Variants in PCDHGA7 observed in about 807,000 individuals in gnomAD.
PCDHGA7 encodes the protein protocadherin gamma-A7.
PCDHGA7 carries 44 observed loss-of-function variants against 58.3 expected under a neutral mutation model. The ratio of observed to expected loss-of-function variants is 0.75; its 90% CI spans 0.59 to 0.97. PCDHGA7 has a LOEUF of 0.97. Among genes scored for constraint, PCDHGA7 ranks in the 50% least tolerant of loss-of-function variants. The pLI is 0.00. For synonymous variants in PCDHGA7, 516 were observed against 504.2 expected, an observed-to-expected ratio of 1.02 and a Z score of -0.31; for missense variants, 1,266 against 1,188.7, an observed-to-expected ratio of 1.06 and a Z score of -0.96.
rs949391796 is a variant in PCDHGA7 at position 141,493,050 on chromosome 5, A to G, written c.2425-1757A>G. 6.6e-6 allele frequency among the ~76,000 whole-genome samples: 1 copy of G among 152,262 alleles called. No homozygotes were observed. The highest frequency in any genetic ancestry group is 2.4e-5 in the African/African-American group (1 of 41,464). On this transcript the variant is annotated intron_variant, in intron 1 of 3. Coordinates refer to ENST00000518325, the MANE Select transcript of PCDHGA7 (RefSeq NM_018920.4). The surrounding 1 kb of genome is among the most constrained non-coding windows in gnomAD (Gnocchi z 4.3). Reference sequence around the variant, plus strand: ...CCCTTATGTGTGAGGAAACTACAATAGTAAAAAACACAAGTTTCTCCAACT... The same window carrying G: ...CCCTTATGTGTGAGGAAACTACAATGGTAAAAAACACAAGTTTCTCCAACT...
At chr5:141,399,621 C>G (rs757586675) in intron 1 of PCDHGA7, 1 of 1,613,948 alleles carries the variant, frequency 6.2e-7, no homozygotes. Context: ...TGGCACTGGC[C>G]TCTTACGTGT....
intron 1 of PCDHGA7, among the ~76,000 whole-genome samples, chr5:141,462,903 T>A (rs1455334521): frequency 6.6e-6 from 1 of 152,208 alleles, no homozygotes; most frequent in Non-Finnish European, 1.5e-5. Context: ...GGAAGGCTAT[T>A]ATGTTTTTTG....
chr5:141,454,564 G>A (rs896426143), intron 1 of PCDHGA7, among the ~76,000 whole-genome samples: 1 of 151,874 alleles, frequency 6.6e-6, no homozygotes, highest in Non-Finnish European at 1.5e-5. Context: ...GTGCCACCAC[G>A]CCCGGCTAAT....
In PCDHGA7 at chr5:141,489,098, T is replaced by C; in HGVS notation, c.2425-5709T>C. 1 of 293,346 alleles carries C rather than the reference T, an allele frequency of 3.4e-6. No homozygotes were observed. The highest frequency in any genetic ancestry group is 5.5e-5 in the South Asian group (1 of 18,124). The allele number at this position is 293,346 out of a possible 1,614,324, so 18.2% of individuals were successfully genotyped here. A position where few individuals can be genotyped will look rare whatever the true frequency, so the allele number is the denominator to read the frequency against. ...CCCCCGCCACTCGGTGACTAAGAAC[T>C]GCTGCAAGCAGGCAAACCTCCGAGC... On this transcript the variant is annotated intron_variant, in intron 1 of 3. Transcript: ENST00000518325. The surrounding 1 kb of genome is among the most constrained non-coding windows in gnomAD (Gnocchi z 4.5).
intron 1 of PCDHGA7, among the ~76,000 whole-genome samples, chr5:141,447,135 G>GT (rs905717632): frequency 9.9e-5 from 15 of 151,698 alleles, no homozygotes; most frequent in African/African-American, 3.4e-4. Flanking sequence ...TTGTTTGTTT[G>GT]TTTTTTGTTT....
chr5:141,447,854 G>A (rs1480134238), intron 1 of PCDHGA7, among the ~76,000 whole-genome samples: 1 of 152,200 alleles, frequency 6.6e-6, no homozygotes, highest in Non-Finnish European at 1.5e-5. Flanking sequence ...GGGAGGCCGA[G>A]GTGGGTGAAT....
At chr5:141,393,525 A>G in intron 1 of PCDHGA7, 1 of 1,613,922 alleles carries the variant, frequency 6.2e-7, no homozygotes, top group Non-Finnish European at 8.5e-7. Context: ...TACAAATGAC[A>G]ATGCCCCGGT....
chr5:141,464,824 G>A (rs1329087889), intron 1 of PCDHGA7, among the ~76,000 whole-genome samples: 2 of 151,816 alleles, frequency 1.3e-5, no homozygotes, highest in African/African-American at 2.4e-5. Context: ...CTGTAGCCTC[G>A]CACTCCTGGG....
chr5:141,480,955 G>A (rs2154578440), intron 1 of PCDHGA7, among the ~76,000 whole-genome samples: 1 of 152,304 alleles, frequency 6.6e-6, no homozygotes, highest in South Asian at 2.1e-4. Context: ...TGAGGCGGAA[G>A]CATCAGTGAG....
Position 141,432,248 on chromosome 5 carries a change from C to T in PCDHGA7, c.2424+46925C>T. Reference sequence around the variant, plus strand: ...TTATTCCCTGGCTGAGAACACCATCCAAGGGGCAAGCCTATCGTCCTACGT... The same window carrying T: ...TTATTCCCTGGCTGAGAACACCATCTAAGGGGCAAGCCTATCGTCCTACGT... On this transcript the variant is annotated intron_variant, in intron 1 of 3. Transcript: ENST00000518325. This position sits in a 1 kb window ranked among gnomAD's most constrained non-coding sequence, Gnocchi z 6.0. 1.2e-6 allele frequency: 2 copies of T among 1,614,244 alleles called. No individual in the cohort carries two copies. Among genetic ancestry groups the T allele is most frequent in the South Asian group, 1.1e-5 (1 of 91,090 alleles).
intron 1 of PCDHGA7, chr5:141,393,237 AT>A: frequency 1.2e-6 from 2 of 1,613,802 alleles, no homozygotes; most frequent in South Asian, 1.1e-5. Flanking sequence ...AGAAGTAAAA[AT>A]TAACGAAATC....
At chr5:141,502,274 A>G (rs573517581) in intron 2 of PCDHGA7, among the ~76,000 whole-genome samples, 18 of 152,128 alleles carry the variant, frequency 1.2e-4, no homozygotes, top group African/African-American at 4.1e-4. Context: ...ATCAAGGAGC[A>G]TAGATTGCAT....
At position 141,485,314 on chromosome 5, in the gene PCDHGA7, T is replaced by A. The variant is rs1292296791; in HGVS notation, c.2425-9493T>A. The A allele has an allele frequency of 1.2e-6, 2 of 1,614,150 alleles. No homozygotes were observed. The highest frequency in any genetic ancestry group is 1.7e-6 in the Non-Finnish European group (2 of 1,180,032). ...CACAGGAAGGGACTTTTGTAGGGAA[T>A]GTCGCTCAAGATTTCCTGCTGGATA... On this transcript the variant is annotated intron_variant, in intron 1 of 3. Coordinates refer to ENST00000518325, the MANE Select transcript of PCDHGA7 (RefSeq NM_018920.4). This position sits in a 1 kb window ranked among gnomAD's most constrained non-coding sequence, Gnocchi z 5.7.
rs2099745664 is a variant in PCDHGA7 at position 141,493,015 on chromosome 5, T to A, written c.2425-1792T>A. Among the ~76,000 whole-genome samples, 1 of 152,238 alleles carries A rather than the reference T, an allele frequency of 6.6e-6. No homozygotes were observed. The highest frequency in any genetic ancestry group is 1.5e-5 in the Non-Finnish European group (1 of 68,040). ...ATGGAAAGCTATAGGCTCTGCCAGA[T>A]GCCAGGGTGCCCTTATGTGTGAGGA... On this transcript the variant is annotated intron_variant, in intron 1 of 3. Transcript: ENST00000518325. The surrounding 1 kb of genome is among the most constrained non-coding windows in gnomAD (Gnocchi z 4.3).
chr5:141,465,125 G>A (rs1003967387), intron 1 of PCDHGA7, among the ~76,000 whole-genome samples: 1 of 151,194 alleles, frequency 6.6e-6, no homozygotes, highest in Non-Finnish European at 1.5e-5. Context: ...GCCTAAATTT[G>A]TAAAAAGTTT....
At chr5:141,404,806 G>T (rs774487660) in intron 1 of PCDHGA7, 2 of 1,613,992 alleles carry the variant, frequency 1.2e-6, no homozygotes, top group South Asian at 1.1e-5. Context: ...GGCTCTTCTC[G>T]GTGGGGCTGC....
At chr5:141,463,847 G>T (rs922334975) in intron 1 of PCDHGA7, among the ~76,000 whole-genome samples, 9 of 152,158 alleles carry the variant, frequency 5.9e-5, no homozygotes, top group African/African-American at 2.2e-4. Context: ...TGTTATAGTG[G>T]TATATCTGGT....
chr5:141,464,306 A>G (rs1438401635), intron 1 of PCDHGA7, among the ~76,000 whole-genome samples: 3 of 150,952 alleles, frequency 2.0e-5, no homozygotes. Context: ...TTGTATGTGC[A>G]CATATCATTA....
intron 1 of PCDHGA7, among the ~76,000 whole-genome samples, chr5:141,450,379 A>C (rs1269979263): frequency 6.6e-6 from 1 of 152,144 alleles, no homozygotes; most frequent in Non-Finnish European, 1.5e-5. Flanking sequence ...GTTTATATGA[A>C]ACTGACATTT....
Sources: gnomAD v4.1 joint callset for allele counts (sites outside exome capture counted in the v4.1 genomes callset) on GRCh38, gnomAD v4.1.1 for gene constraint, Gnocchi (gnomAD v3.1) non-coding constraint, MANE v1.5 for transcripts, NCBI Gene and HGNC (gene_info 2026-07-23, HGNC 2026-07-21) for gene names.